LIMS1: variants seen among roughly 807,000 people sequenced by gnomAD.
LIMS1 encodes the protein LIM and senescent cell antigen-like-containing domain protein 1.
LIMS1 carries 18 observed loss-of-function variants against 44.1 expected under a neutral mutation model. The observed-to-expected ratio is 0.41, with a 90% CI of 0.28 to 0.61. The LOEUF (loss-of-function observed/expected upper bound fraction) is 0.61. Among genes scored for constraint, LIMS1 ranks in the 20% least tolerant of loss-of-function variants. The pLI, the probability that LIMS1 is intolerant of heterozygous loss-of-function variation, is 0.32. For missense variants in LIMS1, 201 were observed against 422.0 expected, an observed-to-expected ratio of 0.48 and a Z score of 4.59; for synonymous variants, 93 against 149.1, an observed-to-expected ratio of 0.62 and a Z score of 2.74.
Position 108,547,470 on chromosome 2 carries a change from AAG to A in LIMS1, c.32+12880_32+12881del, listed in dbSNP as rs1684519498. 2.6e-5 allele frequency among the ~76,000 whole-genome samples: 4 copies of A among 152,316 alleles called. No individual in the cohort carries two copies. The East Asian group carries it at 7.7e-4, about 29-fold the overall frequency. ...GCTGGGCCCACAACACAGATGCAGA[AAG>A]AGACAGGTAAAAATGACAGGTGCCA... On this transcript the variant is annotated intron_variant, in intron 1 of 9. Transcript: ENST00000544547.
intron 1 of LIMS1, among the ~76,000 whole-genome samples, chr2:108,579,567 A>T (rs2104651601): frequency 1.3e-5 from 2 of 152,398 alleles, no homozygotes; most frequent in Middle Eastern, 3.4e-3. Flanking sequence ...AATGAATTTA[A>T]TATTGGATGC....
rs563719659 is a variant in LIMS1 at position 108,611,343 on chromosome 2, C to T, written c.33-48262C>T. On this transcript the variant is annotated intron_variant, in intron 1 of 9. Transcript: ENST00000544547. ...AGCACTCAATACATCTAGCTCTTGACCAAGGTGCTATTTCCTAAATTATAT... is the reference window on the plus strand; with the variant it reads ...AGCACTCAATACATCTAGCTCTTGATCAAGGTGCTATTTCCTAAATTATAT... Among the ~76,000 whole-genome samples the T allele has an allele frequency of 3.9e-5, 6 of 152,274 alleles. No homozygotes were observed. The South Asian group carries it at 1.2e-3, about 32-fold the overall frequency.
intron 1 of LIMS1, among the ~76,000 whole-genome samples, chr2:108,589,192 A>G (rs1282842851): frequency 6.6e-6 from 1 of 152,126 alleles, no homozygotes; most frequent in African/African-American, 2.4e-5. Context: ...TTAAAAAAAA[A>G]AAACTGGTCA....
chr2:108,595,863 C>A (rs1686656651), intron 1 of LIMS1, among the ~76,000 whole-genome samples: 1 of 151,300 alleles, frequency 6.6e-6, no homozygotes, highest in Non-Finnish European at 1.5e-5. Flanking sequence ...CATTTTTAAA[C>A]TCAACAGTTC....
chr2:108,584,663 C>G (rs138504654), intron 1 of LIMS1, among the ~76,000 whole-genome samples: 1 of 151,916 alleles, frequency 6.6e-6, no homozygotes, highest in East Asian at 1.9e-4. Context: ...GCAGGAGAGT[C>G]GACTAGGAAG....
At chr2:108,686,502 T>A (rs540509022) in exon 10 of LIMS1, 1 of 152,058 alleles carries the variant, frequency 6.6e-6, no homozygotes, top group South Asian at 2.1e-4. Context: ...CCGGGCGTGG[T>A]GGCTCATGCC....
intron 1 of LIMS1, among the ~76,000 whole-genome samples, chr2:108,586,164 C>T (rs185792117): frequency 6.6e-6 from 1 of 152,004 alleles, no homozygotes; most frequent in Non-Finnish European, 1.5e-5. Flanking sequence ...TGCACTCCAG[C>T]CTGGACGACA....
At chr2:108,684,569 AT>A (rs1693209851) in exon 10 of LIMS1, 1 of 152,094 alleles carries the variant, frequency 6.6e-6, no homozygotes, top group Non-Finnish European at 1.5e-5. Flanking sequence ...TTTTAGTTAA[AT>A]GCAATAATTA....
intron 1 of LIMS1, among the ~76,000 whole-genome samples, chr2:108,656,100 T>C (rs1400651944): frequency 9.0e-5 from 11 of 122,094 alleles, no homozygotes; most frequent in Non-Finnish European, 1.7e-4. Flanking sequence ...GGAATTGTAA[T>C]AATACAGTAA....
At chr2:108,679,189 C>T (rs1337781602) in intron 8 of LIMS1, among the ~76,000 whole-genome samples, 2 of 151,614 alleles carry the variant, frequency 1.3e-5, no homozygotes, top group East Asian at 3.9e-4. Flanking sequence ...CTAAAGTATA[C>T]GAGATAGGAC....
chr2:108,626,014 TC>T (rs1415532950), intron 1 of LIMS1, among the ~76,000 whole-genome samples: 1 of 152,154 alleles, frequency 6.6e-6, no homozygotes, highest in Non-Finnish European at 1.5e-5. Context: ...TGTCTCATGA[TC>T]CCGTAAGAGA....
chr2:108,568,977 C>T (rs1379740380), intron 1 of LIMS1, among the ~76,000 whole-genome samples: 3 of 151,990 alleles, frequency 2.0e-5, no homozygotes, highest in Non-Finnish European at 4.4e-5. Context: ...CTGCAACCTC[C>T]GCCTCCCAGG....
chr2:108,628,608 C>T lies in LIMS1; in HGVS notation c.33-30997C>T, dbSNP rs558198664. 5.0e-3 allele frequency among the ~76,000 whole-genome samples: 757 copies of T among 152,286 alleles called. 8 individuals are homozygous for T. Among genetic ancestry groups the T allele is most frequent in the Middle Eastern group, 0.017 (5 of 294 alleles). On this transcript the variant is annotated intron_variant, in intron 1 of 9. Transcript: ENST00000544547. ...TCAGCCTCCCGAGTAGCTGGAATTA[C>T]AGGCGCACCACCACGCCCAGCTAAT... is the stretch of plus-strand genomic sequence containing the variant.
At chr2:108,609,469 G>T (rs921073996) in intron 1 of LIMS1, among the ~76,000 whole-genome samples, 1 of 152,088 alleles carries the variant, frequency 6.6e-6, no homozygotes, top group Non-Finnish European at 1.5e-5. Flanking sequence ...CCGGCTCCCC[G>T]CAGTCATTGC....
intron 1 of LIMS1, among the ~76,000 whole-genome samples, chr2:108,647,502 ACAC>A (rs1690153140): frequency 6.6e-6 from 1 of 152,212 alleles, no homozygotes; most frequent in Admixed American, 6.5e-5. Context: ...CCTGGCAGAG[ACAC>A]AACAAAAAAA....
At chr2:108,613,036 C>T (rs961704884) in intron 1 of LIMS1, among the ~76,000 whole-genome samples, 4 of 152,134 alleles carry the variant, frequency 2.6e-5, no homozygotes, top group African/African-American at 9.7e-5. Flanking sequence ...TCCACACACT[C>T]TTATTGGTTG....
chr2:108,684,010 T>C, exon 10 of LIMS1: 1 of 1,384,494 alleles, frequency 7.2e-7, no homozygotes, highest in Non-Finnish European at 1.0e-6. Context: ...GTTCCTTTAT[T>C]TTTTCTTTTC....
chr2:108,601,333 A>G (rs1020485695), intron 1 of LIMS1, among the ~76,000 whole-genome samples: 1 of 152,192 alleles, frequency 6.6e-6, no homozygotes, highest in African/African-American at 2.4e-5. Flanking sequence ...CCAGAGTCAG[A>G]CACTTGTCCG....
chr2:108,588,446 A>G (rs1481782723), intron 1 of LIMS1: 1 of 985,530 alleles, frequency 1.0e-6, no homozygotes, highest in East Asian at 1.1e-4. Context: ...TAAGAGTAGG[A>G]GCCAGGAGGG....
Sources: allele counts gnomAD v4.1 joint callset (sites outside exome capture counted in the v4.1 genomes callset), GRCh38; gene constraint gnomAD v4.1.1; transcripts MANE v1.5; gene names NCBI Gene and HGNC (gene_info 2026-07-23, HGNC 2026-07-21).